Variants in MORC1 observed in about 807,000 individuals in gnomAD.
The protein encoded by MORC1 is MORC family CW-type zinc finger protein 1.
Under a neutral mutation model 134.9 loss-of-function variants are expected in MORC1, and 59 were observed. The ratio of observed to expected loss-of-function variants is 0.44; its 90% confidence interval spans 0.35 to 0.54. The LOEUF (loss-of-function observed/expected upper bound fraction) is 0.54. Ranked by LOEUF, MORC1 falls within the 20% of genes least tolerant of loss-of-function variation. The pLI is 0.00. For missense variants in MORC1, 947 were observed against 1,134.5 expected (o/e 0.83, Z 2.37); for synonymous variants, 395 against 391.7 (o/e 1.01, Z -0.10).
intron 8 of MORC1, among the ~76,000 whole-genome samples, chr3:109,070,239 C>A (rs530822428): frequency 6.6e-6 from 1 of 152,198 alleles, no homozygotes; most frequent in South Asian, 2.1e-4. Context: ...AAACATAAAA[C>A]TTCATTCCAT....
chr3:109,085,701 G>A (rs1214212191), intron 8 of MORC1, among the ~76,000 whole-genome samples: 2 of 152,056 alleles, frequency 1.3e-5, no homozygotes, highest in African/African-American at 4.8e-5. Flanking sequence ...ATAGTATGAA[G>A]GCTCCTCAAA....
In MORC1 at chr3:109,003,379, TTA is replaced by T. The variant is rs779368062; in HGVS notation, c.2085+1436_2085+1437del. On this transcript the variant is annotated intron_variant, in intron 20 of 27. Transcript: ENST00000232603. The stretch of plus-strand genomic sequence containing the variant: ...ATATTGCTTCACATAGCTTTACATA[TTA>T]TATGTGTATGCACACACACACACAC... 6.2e-3 allele frequency among the ~76,000 whole-genome samples: 769 copies of T among 124,776 alleles called. 4 individuals carry two copies. The highest frequency in any genetic ancestry group is 0.012 in the Middle Eastern group (3 of 248). 81.9% of individuals were successfully genotyped at this position (124,776 alleles called of 152,430 possible).
chr3:109,098,580 T>A (rs181847985), intron 6 of MORC1, among the ~76,000 whole-genome samples: 13 of 152,318 alleles, frequency 8.5e-5, no homozygotes, highest in Admixed American at 5.9e-4. Flanking sequence ...CTGCAAGTTG[T>A]ACTCTCTCCA....
At chr3:109,033,141 A>C (rs1274449649) in intron 15 of MORC1, among the ~76,000 whole-genome samples, 2 of 151,772 alleles carry the variant, frequency 1.3e-5, no homozygotes, top group Admixed American at 1.3e-4. Context: ...CAGTGACTTG[A>C]CTCTCCCATT....
chr3:109,106,520 G>A (rs916522872), intron 3 of MORC1, among the ~76,000 whole-genome samples: 26 of 151,888 alleles, frequency 1.7e-4, no homozygotes, highest in African/African-American at 6.1e-4. Context: ...TGTTAATTAC[G>A]CGTGTCCAAA....
At chr3:109,075,514 T>C (rs1042359957) in intron 8 of MORC1, among the ~76,000 whole-genome samples, 3 of 152,194 alleles carry the variant, frequency 2.0e-5, no homozygotes, top group Non-Finnish European at 4.4e-5. Flanking sequence ...GTTTTCCGCA[T>C]ATGGCTAGCC....
At chr3:109,059,100 T>C (rs1950024487) in intron 12 of MORC1, among the ~76,000 whole-genome samples, 1 of 152,136 alleles carries the variant, frequency 6.6e-6, no homozygotes, top group Non-Finnish European at 1.5e-5. Flanking sequence ...CATTTAAAAT[T>C]TAAGTTTTGA....
intron 17 of MORC1, among the ~76,000 whole-genome samples, chr3:109,007,691 C>T (rs1479289253): frequency 1.3e-5 from 2 of 152,186 alleles, no homozygotes; most frequent in Non-Finnish European, 2.9e-5. Context: ...AGGTCTCCTC[C>T]AATTCCCCAA....
intron 6 of MORC1, among the ~76,000 whole-genome samples, chr3:109,095,768 C>A (rs2107768122): frequency 6.6e-6 from 1 of 152,174 alleles, no homozygotes; most frequent in Middle Eastern, 3.4e-3. Flanking sequence ...GACTAGGAGT[C>A]TTCCTTGAAA....
chr3:109,090,374 T>C (rs1190495072), intron 8 of MORC1, among the ~76,000 whole-genome samples: 1 of 151,936 alleles, frequency 6.6e-6, no homozygotes, highest in Non-Finnish European at 1.5e-5. Flanking sequence ...TCCCAGCACT[T>C]TGGGAGGCCG....
chr3:109,094,524 C>T (rs1235439162), intron 7 of MORC1, among the ~76,000 whole-genome samples: 1 of 152,156 alleles, frequency 6.6e-6, no homozygotes, highest in African/African-American at 2.4e-5. Flanking sequence ...GCCACAGAGA[C>T]ATTAATTCGT....
intron 14 of MORC1, among the ~76,000 whole-genome samples, chr3:109,047,481 T>A (rs1949720155): frequency 1.3e-5 from 2 of 152,134 alleles, no homozygotes; most frequent in Admixed American, 1.3e-4. Flanking sequence ...GAAGCATAAG[T>A]GCTTTCAATG....
At position 108,979,601 on chromosome 3, in the gene MORC1, A is replaced by G. The variant is rs200899010; in HGVS notation, c.2391T>C (p.Ser797=). 5.1e-5 allele frequency: 82 copies of G among 1,614,160 alleles called. No homozygotes were observed. In the East Asian group the frequency reaches 1.8e-3, roughly 36 times the overall value. Residue 797 remains serine, a synonymous_variant, in exon 24 of 28, where the codon AGT becomes AGC. Coordinates refer to ENST00000232603, the MANE Select transcript of MORC1 (RefSeq NM_014429.4). ...SSGHIARVSV[S]GSCKVASSPA... The stretch of plus-strand genomic sequence containing the variant: ...GCGAAGAAGCAACTTTACAACTGCC[A>G]CTCACAGAAACTCTGGCTATGTGTC...
chr3:108,963,151 T>G (rs1229221701), intron 27 of MORC1, among the ~76,000 whole-genome samples: 1 of 145,266 alleles, frequency 6.9e-6, no homozygotes, highest in Non-Finnish European at 1.5e-5. Flanking sequence ...GTCGCGCCAC[T>G]GCACTCCAGC....
intron 21 of MORC1, among the ~76,000 whole-genome samples, chr3:108,995,832 A>G (rs1576610003): frequency 6.6e-6 from 1 of 152,228 alleles, no homozygotes; most frequent in South Asian, 2.1e-4. Flanking sequence ...GGAGATGCCC[A>G]TCTAAAAAAC....
chr3:109,092,897 C>A (rs1384888097), intron 8 of MORC1, among the ~76,000 whole-genome samples: 1 of 152,096 alleles, frequency 6.6e-6, no homozygotes, highest in African/African-American at 2.4e-5. Context: ...AGAAACCTAG[C>A]TTTTGTTGCT....
chr3:109,009,388 T>G (rs560641600), intron 17 of MORC1, among the ~76,000 whole-genome samples: 8 of 151,934 alleles, frequency 5.3e-5, no homozygotes, highest in African/African-American at 1.7e-4. Context: ...GTATTTTTAG[T>G]AGAGACAGGG....
At chr3:108,980,038 A>C (rs2107444296) in intron 23 of MORC1, among the ~76,000 whole-genome samples, 1 of 152,328 alleles carries the variant, frequency 6.6e-6, no homozygotes, top group South Asian at 2.1e-4. Flanking sequence ...AAAAATCTAC[A>C]ATGGATATAC....
At chr3:109,092,445 G>A (rs1950749737) in intron 8 of MORC1, among the ~76,000 whole-genome samples, 1 of 152,036 alleles carries the variant, frequency 6.6e-6, no homozygotes, top group South Asian at 2.1e-4. Context: ...GTCTACTTGG[G>A]TCTTAACACC....
Sources: gnomAD v4.1 joint callset for allele counts (sites outside exome capture counted in the v4.1 genomes callset) on GRCh38, gnomAD v4.1.1 for gene constraint, MANE v1.5 for transcripts, NCBI Gene and HGNC (gene_info 2026-07-23, HGNC 2026-07-21) for gene names.